Variants in CDCA2 observed in about 807,000 individuals in gnomAD.
CDCA2 encodes cell division cycle-associated protein 2.
CDCA2 carries 44 observed loss-of-function variants against 67.0 expected under a neutral mutation model. That is an observed-to-expected ratio of 0.66 (90% CI 0.52 to 0.84). The LOEUF (loss-of-function observed/expected upper bound fraction) is 0.84. CDCA2 is among the 40% of genes least tolerant of loss of function. CDCA2 has a pLI of 0.00. For synonymous variants in CDCA2, 447 were observed against 418.7 expected (o/e 1.07, Z -0.82); for missense variants, 1,253 against 1,203.2 (o/e 1.04, Z -0.61).
intron 13 of CDCA2, among the ~76,000 whole-genome samples, chr8:25,493,427 A>T (rs866102004): frequency 2.0e-5 from 3 of 152,210 alleles, no homozygotes; most frequent in Admixed American, 2.0e-4. Context: ...GGTGAATTTG[A>T]TATCTTTTGA....
Position 25,468,307 on chromosome 8 carries a change from C to T in CDCA2, c.629C>T (p.Ser210Phe). 2 of 1,613,860 alleles carry T rather than the reference C, an allele frequency of 1.2e-6. No individual in the cohort carries two copies. The change falls in exon 6 of 15, where the codon TCT becomes TTT. Residue 210 changes from serine to phenylalanine, a missense_variant. By Grantham distance (155) the Ser-to-Phe change is radical (BLOSUM62 -2). Transcript: ENST00000330560. Reference sequence around the variant, plus strand: ...CGGAGAATATCCTATCAGAGAGACTCTGATGAAAATCTGACGGATGCTGAA... The same window carrying T: ...CGGAGAATATCCTATCAGAGAGACTTTGATGAAAATCTGACGGATGCTGAA... The part of the protein sequence containing the change: ...KRRRISYQRD[S>F]DENLTDAEGK...
chr8:25,493,229 G>A (rs930232116), intron 13 of CDCA2, among the ~76,000 whole-genome samples: 4 of 152,146 alleles, frequency 2.6e-5, no homozygotes, highest in Admixed American at 2.0e-4. Context: ...AGGCAGGTTT[G>A]GTTTTAAATG....
intron 7 of CDCA2, among the ~76,000 whole-genome samples, chr8:25,474,947 C>G (rs965639707): frequency 2.0e-5 from 3 of 152,094 alleles, no homozygotes; most frequent in Non-Finnish European, 2.9e-5. Context: ...CAGCTGGGGT[C>G]GAGCAGGGAC....
chr8:25,498,417 T>A (rs970145551), intron 13 of CDCA2, among the ~76,000 whole-genome samples: 196 of 147,354 alleles, frequency 1.3e-3, no homozygotes, highest in African/African-American at 4.7e-3. Flanking sequence ...TATGTTGGCC[T>A]GGCTGGTCTC....
At chr8:25,503,288 TAAATA>T (rs1305032528) in intron 13 of CDCA2, 80 bp from the exon 14 acceptor site, 6 of 1,003,030 alleles carry the variant, frequency 6.0e-6, no homozygotes, top group Middle Eastern at 2.6e-4. Flanking sequence ...GTCTCAAAAA[TAAATA>T]AAAATAACTA....
intron 4 of CDCA2, among the ~76,000 whole-genome samples, chr8:25,465,218 C>T (rs1802853108): frequency 1.3e-5 from 2 of 152,212 alleles, no homozygotes; most frequent in South Asian, 4.1e-4. Context: ...AAGTGATCCT[C>T]CCACCTTGGC....
At chr8:25,479,502 T>C (rs1303620291) in intron 7 of CDCA2, among the ~76,000 whole-genome samples, 1 of 152,204 alleles carries the variant, frequency 6.6e-6, no homozygotes, top group East Asian at 1.9e-4. Context: ...CACCCTCGGA[T>C]GTTGAAATGC....
chr8:25,488,714 T>C lies in CDCA2; in HGVS notation c.1671+25T>C, dbSNP rs369689939. ...GGTAAGCATGTGTTTAAAGATATAATAAAGAGTAGAAGTGGTGTGTTTCCT... is the reference window on the plus strand; with the variant it reads ...GGTAAGCATGTGTTTAAAGATATAACAAAGAGTAGAAGTGGTGTGTTTCCT... On this transcript the variant is annotated intron_variant, in intron 13 of 14. Transcript: ENST00000330560. 55 of 1,561,354 alleles carry C rather than the reference T, an allele frequency of 3.5e-5. 1 individual carries two copies. Among genetic ancestry groups the C allele is most frequent in the Middle Eastern group, 3.7e-4 (2 of 5,438 alleles).
At chr8:25,482,972 A>G (rs1292017030) in intron 8 of CDCA2, among the ~76,000 whole-genome samples, 1 of 152,222 alleles carries the variant, frequency 6.6e-6, no homozygotes, top group Non-Finnish European at 1.5e-5. Flanking sequence ...CTCAGGTTGT[A>G]TGTAAATAGT....
intron 13 of CDCA2, among the ~76,000 whole-genome samples, chr8:25,500,986 T>C (rs1276053611): frequency 2.6e-5 from 4 of 152,180 alleles, no homozygotes; most frequent in East Asian, 3.8e-4. Flanking sequence ...TTGCAACTTA[T>C]CTGTGAGCCC....
At chr8:25,486,530 C>G (rs746104117) in intron 11 of CDCA2, among the ~76,000 whole-genome samples, 1 of 151,872 alleles carries the variant, frequency 6.6e-6, no homozygotes, top group Non-Finnish European at 1.5e-5. Flanking sequence ...CTGCCAGGTG[C>G]GGTGGCTCAT....
intron 14 of CDCA2, among the ~76,000 whole-genome samples, chr8:25,505,446 C>T (rs1031047883): frequency 6.6e-6 from 1 of 152,160 alleles, no homozygotes; most frequent in African/African-American, 2.4e-5. Context: ...GGTAATCCAC[C>T]TGCCTCGGCC....
chr8:25,499,836 G>A (rs1804400465), intron 13 of CDCA2, among the ~76,000 whole-genome samples: 1 of 152,042 alleles, frequency 6.6e-6, no homozygotes, highest in Non-Finnish European at 1.5e-5. Context: ...TGATCAAATG[G>A]CTTCCCCCGG....
intron 7 of CDCA2, among the ~76,000 whole-genome samples, chr8:25,478,777 ACT>A (rs1371862213): frequency 1.3e-5 from 2 of 150,566 alleles, no homozygotes; most frequent in Non-Finnish European, 1.5e-5. Flanking sequence ...CTGCTCAGGA[ACT>A]CTCTGTTTAC....
chr8:25,501,741 T>A (rs1300143729), intron 13 of CDCA2, among the ~76,000 whole-genome samples: 1 of 152,162 alleles, frequency 6.6e-6, no homozygotes. Flanking sequence ...ATGGTGCGTG[T>A]GTATGGTCAC....
intron 1 of CDCA2, among the ~76,000 whole-genome samples, chr8:25,459,882 A>G (rs547987368): frequency 2.0e-5 from 3 of 152,154 alleles, no homozygotes; most frequent in South Asian, 4.1e-4. Context: ...AATGAATAAG[A>G]TCTAGTATTT....
intron 11 of CDCA2, among the ~76,000 whole-genome samples, chr8:25,486,258 A>G (rs1435697950): frequency 6.6e-6 from 1 of 152,202 alleles, no homozygotes; most frequent in Non-Finnish European, 1.5e-5. Flanking sequence ...ATTTTTTATG[A>G]TTATGACAAA....
In CDCA2 at chr8:25,466,325, A is replaced by C. The variant is rs1336775019; in HGVS notation, c.538A>C (p.Thr180Pro). Reference protein sequence around the residue: ...AGKESEMTDLTRKEGLSACQQ... With the variant: ...AGKESEMTDLPRKEGLSACQQ... ...AAAAGAGTCCGAGATGACAGACTTG[A>C]GTGAGTAGAAATAATTCGTTCAGTT... The change falls in exon 5 of 15, where the codon ACC (threonine) becomes CCC (proline). Residue 180 changes from threonine to proline, a missense_variant and splice_region_variant. Transcript: ENST00000330560. 6.3e-7 allele frequency: 1 copy of C among 1,586,346 alleles called. No individual in the cohort carries two copies. The highest frequency in any genetic ancestry group is 1.4e-5 in the African/African-American group (1 of 73,016).
chr8:25,493,742 A>G (rs1177069833), intron 13 of CDCA2, among the ~76,000 whole-genome samples: 1 of 152,182 alleles, frequency 6.6e-6, no homozygotes, highest in East Asian at 1.9e-4. Flanking sequence ...ATTACCAAAA[A>G]TCTGAAAGTT....
Sources: allele counts gnomAD v4.1 joint callset (sites outside exome capture counted in the v4.1 genomes callset), GRCh38; gene constraint gnomAD v4.1.1; transcripts MANE v1.5; gene names NCBI Gene and HGNC (gene_info 2026-07-23, HGNC 2026-07-21).